DIAPH2: variants seen among roughly 807,000 people sequenced by gnomAD.
The protein encoded by DIAPH2 is protein diaphanous homolog 2.
DIAPH2 carries 35 observed loss-of-function variants against 92.7 expected under a neutral mutation model. That is an observed-to-expected ratio of 0.38 (90% CI 0.29 to 0.50). DIAPH2 has a LOEUF of 0.50. DIAPH2 is among the 20% of genes least tolerant of loss of function. The pLI, the probability that DIAPH2 is intolerant of heterozygous loss-of-function variation, is 0.94. For synonymous variants in DIAPH2, 301 were observed against 280.4 expected, an observed-to-expected ratio of 1.07 and a Z score of -0.73; for missense variants, 701 against 819.5, an observed-to-expected ratio of 0.86 and a Z score of 1.77.
At chrX:97,466,303 T>G (rs1439933325) in intron 26 of DIAPH2, among the ~76,000 whole-genome samples, 1 of 111,975 alleles carries the variant, frequency 8.9e-6, no homozygotes, top group Non-Finnish European at 1.9e-5. Flanking sequence ...AGTAACTACC[T>G]TGAAGAGCAC....
At chrX:96,866,203 G>C (rs1165271200) in intron 4 of DIAPH2, among the ~76,000 whole-genome samples, 1 of 111,672 alleles carries the variant, frequency 9.0e-6, no homozygotes, top group Non-Finnish European at 1.9e-5. Context: ...TGGGAAGTTT[G>C]TGAATGTTCA....
chrX:97,070,669 T>C (rs745766379), intron 17 of DIAPH2, among the ~76,000 whole-genome samples: 3 of 111,923 alleles, frequency 2.7e-5, no homozygotes, highest in Admixed American at 9.5e-5. Context: ...AGAACTGTTC[T>C]AAACTTGTTT....
chrX:97,292,170 A>G (rs1053405870), intron 23 of DIAPH2, among the ~76,000 whole-genome samples: 1 of 107,361 alleles, frequency 9.3e-6, no homozygotes, highest in African/African-American at 3.4e-5. Flanking sequence ...GTGGGACCAC[A>G]GGTGCATGAC....
At chrX:97,050,797 A>AT (rs1228172157) in intron 17 of DIAPH2, among the ~76,000 whole-genome samples, 1 of 110,163 alleles carries the variant, frequency 9.1e-6, no homozygotes, top group African/African-American at 3.3e-5. Flanking sequence ...TTTCTCTTTT[A>AT]TTTTTTACAT....
chrX:97,482,286 G>A (rs2147816835), intron 26 of DIAPH2, among the ~76,000 whole-genome samples: 1 of 112,325 alleles, frequency 8.9e-6, no homozygotes, highest in African/African-American at 3.2e-5. Context: ...AACTTGATAT[G>A]AAATGAGCAA....
intron 4 of DIAPH2, among the ~76,000 whole-genome samples, chrX:96,869,712 A>G (rs1456400410): frequency 9.0e-6 from 1 of 110,628 alleles, no homozygotes; most frequent in Non-Finnish European, 1.9e-5. Flanking sequence ...TGAGCAGTCA[A>G]CTAGGCAATT....
At chrX:97,279,377 A>G (rs1338657058) in intron 23 of DIAPH2, among the ~76,000 whole-genome samples, 1 of 101,308 alleles carries the variant, frequency 9.9e-6, no homozygotes, top group East Asian at 3.0e-4. Flanking sequence ...ATCTCGGCTC[A>G]CTGCAACCTC....
At chrX:97,356,658 G>A (rs2069270670) in intron 24 of DIAPH2, among the ~76,000 whole-genome samples, 1 of 110,767 alleles carries the variant, frequency 9.0e-6, no homozygotes, top group African/African-American at 3.3e-5. Context: ...GTTTACTTTG[G>A]GCCAGAAGTG....
chrX:97,417,030 A>G (rs746300775), intron 25 of DIAPH2, among the ~76,000 whole-genome samples: 2 of 112,021 alleles, frequency 1.8e-5, no homozygotes, highest in Admixed American at 1.9e-4. Flanking sequence ...CATATGTAAG[A>G]TTAATAATTA....
chrX:97,338,150 G>A (rs2069081664), intron 23 of DIAPH2, among the ~76,000 whole-genome samples: 1 of 110,948 alleles, frequency 9.0e-6, no homozygotes, highest in South Asian at 3.8e-4. Context: ...GGGATTATAA[G>A]CGTGAGCCAC....
intron 9 of DIAPH2, among the ~76,000 whole-genome samples, chrX:96,929,786 G>A (rs1174876054): frequency 9.1e-6 from 1 of 109,729 alleles, no homozygotes; most frequent in Admixed American, 9.8e-5. Context: ...TGCCCTTTGA[G>A]CACTCTTCTA....
At position 97,185,379 on chromosome X, in the gene DIAPH2, A is replaced by ATGTG. The variant is rs1569323083; in HGVS notation, c.2719+43588_2719+43589insGTGT. ...TGTGTATATATATATGTATATATATATGTATATATATATGTGTATATATAT... is the reference window on the plus strand; with the variant it reads ...TGTGTATATATATATGTATATATATATGTGTGTATATATATATGTGTATATATAT... On this transcript the variant is annotated intron_variant, in intron 22 of 26. Coordinates refer to ENST00000324765, the MANE Select transcript of DIAPH2 (RefSeq NM_006729.5). Among the ~76,000 whole-genome samples, 184 of 41,581 alleles carry ATGTG rather than the reference A, an allele frequency of 4.4e-3. 16 individuals are homozygous for ATGTG. Among genetic ancestry groups the ATGTG allele is most frequent in the African/African-American group, 0.017 (82 of 4,938 alleles). 36.1% of individuals were successfully genotyped at this position (41,581 alleles called of 115,157 possible).
intron 3 of DIAPH2, among the ~76,000 whole-genome samples, chrX:96,751,839 G>A (rs1465238115): frequency 3.1e-5 from 3 of 96,927 alleles, no homozygotes; most frequent in African/African-American, 7.2e-5. Flanking sequence ...ATTTTTAGTA[G>A]AGACAGGGTT....
At chrX:96,992,763 A>G (rs1368122121) in intron 17 of DIAPH2, among the ~76,000 whole-genome samples, 1 of 112,423 alleles carries the variant, frequency 8.9e-6, no homozygotes, top group African/African-American at 3.2e-5. Context: ...AGATGGGGTG[A>G]TGATATGACT....
intron 22 of DIAPH2, among the ~76,000 whole-genome samples, chrX:97,157,896 A>G (rs16982319): frequency 0.017 from 1,937 of 112,218 alleles, 33 homozygotes; most frequent in African/African-American, 0.06. Context: ...AGCGCAGAAA[A>G]GTATACGCCG....
At chrX:96,805,586 T>C (rs2064618255) in intron 4 of DIAPH2, among the ~76,000 whole-genome samples, 1 of 111,254 alleles carries the variant, frequency 9.0e-6, no homozygotes, top group Non-Finnish European at 1.9e-5. Context: ...CTTAGTCCAC[T>C]CTGGGGAAGT....
chrX:96,857,357 T>C (rs1451196929), intron 4 of DIAPH2, among the ~76,000 whole-genome samples: 1 of 112,032 alleles, frequency 8.9e-6, no homozygotes, highest in African/African-American at 3.2e-5. Flanking sequence ...GTAAATACAC[T>C]CAGGACTAAT....
At chrX:97,572,658 G>A (rs1028469192) in intron 26 of DIAPH2, among the ~76,000 whole-genome samples, 8 of 111,953 alleles carry the variant, frequency 7.1e-5, no homozygotes, top group Non-Finnish European at 1.5e-4. Context: ...CCCATTTTCT[G>A]ACTTTTCTTT....
chrX:96,903,220 G>T (rs1161381008), intron 5 of DIAPH2, among the ~76,000 whole-genome samples: 4 of 110,914 alleles, frequency 3.6e-5, no homozygotes, highest in Non-Finnish European at 7.6e-5. Flanking sequence ...AAAAGAATAT[G>T]TACAGGTGGT....
Sources: allele counts gnomAD v4.1 joint callset (sites outside exome capture counted in the v4.1 genomes callset), GRCh38; gene constraint gnomAD v4.1.1; transcripts MANE v1.5; gene names NCBI Gene and HGNC (gene_info 2026-07-23, HGNC 2026-07-21).